The following RBFOX1 variants were observed in gnomAD, a reference collection of about 807,000 sequenced individuals.
RBFOX1 encodes the protein RNA binding fox-1 homolog 1, also known as RNA binding protein fox-1 homolog 1.
RBFOX1 carries 8 observed loss-of-function variants against 57.7 expected under a neutral mutation model. The observed-to-expected ratio is 0.14, with a 90% CI of 0.08 to 0.25. The LOEUF is 0.25. Among genes scored for constraint, RBFOX1 ranks in the 10% least tolerant of loss-of-function variants. The pLI is 1.00. For synonymous variants in RBFOX1, 326 were observed against 222.4 expected, an observed-to-expected ratio of 1.47 and a Z score of -4.15; for missense variants, 611 against 548.5, an observed-to-expected ratio of 1.11 and a Z score of -1.14.
intron 3 of RBFOX1, among the ~76,000 whole-genome samples, chr16:6,996,776 T>C (rs1228977271): frequency 6.6e-6 from 1 of 152,154 alleles, no homozygotes; most frequent in Admixed American, 6.5e-5. Flanking sequence ...TAGAGGGATT[T>C]AATTTTTTAC....
At chr16:7,027,226 CATAA>C (rs1206246931) in intron 3 of RBFOX1, among the ~76,000 whole-genome samples, 4 of 152,230 alleles carry the variant, frequency 2.6e-5, no homozygotes, top group South Asian at 4.1e-4. Flanking sequence ...AGAAAAAACT[CATAA>C]ATATTTGTTC....
chr16:5,934,431 TA>T (rs1447783652), intron 4 of RBFOX1, among the ~76,000 whole-genome samples: 1 of 152,220 alleles, frequency 6.6e-6, no homozygotes, highest in Non-Finnish European at 1.5e-5. Flanking sequence ...TACTTTCTTT[TA>T]AAAACTGAGT....
intron 1 of RBFOX1, among the ~76,000 whole-genome samples, chr16:5,355,640 G>C (rs528185380): frequency 5.9e-5 from 9 of 152,244 alleles, no homozygotes; most frequent in Middle Eastern, 6.8e-3. Flanking sequence ...AGTGGGTTGA[G>C]GAGCGTCTCC....
At chr16:6,297,560 G>T (rs1215654282) in intron 1 of RBFOX1, among the ~76,000 whole-genome samples, 1 of 152,082 alleles carries the variant, frequency 6.6e-6, no homozygotes, top group Non-Finnish European at 1.5e-5. Context: ...AGTAGTCAGG[G>T]AAATACTGGG....
intron 2 of RBFOX1, among the ~76,000 whole-genome samples, chr16:6,366,579 C>T (rs1162704422): frequency 1.3e-5 from 2 of 152,174 alleles, no homozygotes; most frequent in Non-Finnish European, 2.9e-5. Flanking sequence ...TGGCTAAGAC[C>T]ACTGATACTT....
chr16:6,097,895 A>G lies in RBFOX1; in HGVS notation c.-127+77903A>G, dbSNP rs1437688248. Among the ~76,000 whole-genome samples the G allele has an allele frequency of 5.9e-5, 9 of 152,054 alleles. No individual in the cohort carries two copies. The highest frequency in any genetic ancestry group is 1.5e-5 in the Non-Finnish European group (1 of 68,002). On this transcript the variant is annotated intron_variant, in intron 1 of 15. Transcript: ENST00000550418. This position sits in a 1 kb window ranked among gnomAD's most constrained non-coding sequence, Gnocchi z 5.0. ...GTGCATGGCTATTTTGCGATTTGCC[A>G]TTGCTGGAATATTTAGCAAGCATCA...
intron 2 of RBFOX1, among the ~76,000 whole-genome samples, chr16:6,604,765 GA>G (rs1200622625): frequency 6.6e-6 from 1 of 152,128 alleles, no homozygotes; most frequent in Admixed American, 6.6e-5. Context: ...ATGATTCCAA[GA>G]TTCTATAATT....
intron 2 of RBFOX1, among the ~76,000 whole-genome samples, chr16:6,416,249 A>G (rs1596905150): frequency 1.3e-5 from 2 of 152,332 alleles, no homozygotes. Context: ...TTTCTCAGCC[A>G]TCTCCACATC....
intron 4 of RBFOX1, among the ~76,000 whole-genome samples, chr16:7,067,883 G>A (rs1270554507): frequency 6.6e-6 from 1 of 151,390 alleles, no homozygotes; most frequent in Non-Finnish European, 1.5e-5. Flanking sequence ...TTTTATGGCT[G>A]CATAGTATTC....
At chr16:5,338,323 C>G (rs1048170274) in intron 1 of RBFOX1, among the ~76,000 whole-genome samples, 32 of 152,174 alleles carry the variant, frequency 2.1e-4, no homozygotes, top group Non-Finnish European at 4.4e-5. Context: ...TCTCCTGGGA[C>G]TTTATAATTG....
intron 4 of RBFOX1, among the ~76,000 whole-genome samples, chr16:7,449,731 G>T (rs78559387): frequency 0.28 from 29,947 of 106,256 alleles, 4,894 homozygotes; most frequent in Non-Finnish European, 0.34. Flanking sequence ...TGTGTGTGTG[G>T]GGGGGGGGGG....
chr16:6,951,934 C>G (rs1282803331), intron 3 of RBFOX1, among the ~76,000 whole-genome samples: 1 of 152,090 alleles, frequency 6.6e-6, no homozygotes, highest in Admixed American at 6.5e-5. Context: ...TGGGGTTTCA[C>G]CATGTTGGTC....
chr16:6,487,621 C>A (rs1337415614), intron 2 of RBFOX1, among the ~76,000 whole-genome samples: 7 of 132,594 alleles, frequency 5.3e-5, no homozygotes, highest in East Asian at 2.3e-4. Flanking sequence ...AGAAAAGATA[C>A]AATTATAGTA....
chr16:6,412,715 T>C (rs982603097), intron 2 of RBFOX1, among the ~76,000 whole-genome samples: 2 of 152,246 alleles, frequency 1.3e-5, no homozygotes, highest in African/African-American at 4.8e-5. Flanking sequence ...CTCCCAGTTT[T>C]GTGGCTGCTA....
intron 3 of RBFOX1, among the ~76,000 whole-genome samples, chr16:5,806,093 G>T (rs2151764360): frequency 6.6e-6 from 1 of 152,246 alleles, no homozygotes; most frequent in East Asian, 1.9e-4. Context: ...TTAAAAAAAT[G>T]GGAGGGCCTC....
At chr16:6,841,791 G>C (rs1048313666) in intron 3 of RBFOX1, among the ~76,000 whole-genome samples, 2 of 152,094 alleles carry the variant, frequency 1.3e-5, no homozygotes, top group Non-Finnish European at 2.9e-5. Context: ...TCTCAAGCCA[G>C]TGAACATCAC....
At chr16:6,475,557 G>C (rs186897643) in intron 2 of RBFOX1, among the ~76,000 whole-genome samples, 1 of 152,262 alleles carries the variant, frequency 6.6e-6, no homozygotes, top group Admixed American at 6.5e-5. Flanking sequence ...GAGCTAATGG[G>C]ATTCATTTAG....
intron 3 of RBFOX1, among the ~76,000 whole-genome samples, chr16:6,844,027 A>G (rs1007579951): frequency 4.0e-5 from 6 of 151,846 alleles, no homozygotes; most frequent in African/African-American, 1.5e-4. Flanking sequence ...CCTTTTCCCA[A>G]CAATCCATTT....
At chr16:6,833,753 T>C (rs1219445173) in intron 3 of RBFOX1, among the ~76,000 whole-genome samples, 2 of 152,158 alleles carry the variant, frequency 1.3e-5, no homozygotes, top group East Asian at 3.9e-4. Flanking sequence ...AGAATTAATT[T>C]GGATGGGAAG....
Sources: gnomAD v4.1 joint callset for allele counts (sites outside exome capture counted in the v4.1 genomes callset) on GRCh38, gnomAD v4.1.1 for gene constraint, Gnocchi (gnomAD v3.1) non-coding constraint, MANE v1.5 for transcripts, NCBI Gene and HGNC (gene_info 2026-07-23, HGNC 2026-07-21) for gene names.